Variants in KCTD1 observed in about 807,000 individuals in gnomAD.
KCTD1 encodes the protein potassium channel tetramerization domain containing 1.
KCTD1 carries 24 observed loss-of-function variants against 66.0 expected under a neutral mutation model. That is an observed-to-expected ratio of 0.36 (90% CI 0.26 to 0.51). KCTD1 has a LOEUF of 0.51. KCTD1 is among the 20% of genes least tolerant of loss of function. The probability of loss-of-function intolerance (pLI) is 0.95; values close to 1 mark genes in which losing one functional copy is unlikely to be tolerated. For synonymous variants in KCTD1, 511 were observed against 517.2 expected, an observed-to-expected ratio of 0.99 and a Z score of 0.16; for missense variants, 943 against 1,205.2, an observed-to-expected ratio of 0.78 and a Z score of 3.22.
At chr18:26,520,807 C>G (rs1375401273) in intron 1 of KCTD1, among the ~76,000 whole-genome samples, 1 of 152,176 alleles carries the variant, frequency 6.6e-6, no homozygotes, top group Non-Finnish European at 1.5e-5. Flanking sequence ...AAGAAGAGTC[C>G]TCACTTTGAA....
At chr18:26,507,793 T>C (rs536806007) in intron 1 of KCTD1, among the ~76,000 whole-genome samples, 12 of 152,224 alleles carry the variant, frequency 7.9e-5, no homozygotes, top group African/African-American at 1.7e-4. Context: ...TACTGTATGA[T>C]TGTATTTACA....
At chr18:26,525,878 T>G (rs1984135346) in intron 1 of KCTD1, among the ~76,000 whole-genome samples, 1 of 152,176 alleles carries the variant, frequency 6.6e-6, no homozygotes, top group Non-Finnish European at 1.5e-5. Context: ...TGAGCCACTG[T>G]GCTCAGCATA....
At position 26,547,720 on chromosome 18, in the gene KCTD1, G is replaced by T; in HGVS notation, c.817C>A (p.Gln273Lys). The change falls in exon 1 of 5, where the codon CAG becomes AAG. Residue 273 changes from glutamine to lysine, a missense_variant. Gln to Lys is a moderately conservative substitution (Grantham distance 53). This residue lies in a region of KCTD1 where 61 missense variants were observed against 109.6 expected (regional missense o/e 0.56). Transcript: ENST00000580059. ...TTCTGCACCACCGGCCCGGCGCCCT[G>T]CTCCTCGAGCTTGCGGATGACCGCG... ...LAAVIRKLEE[Q>K]GAGPVVQKQA... 1 of 1,548,172 alleles carries T rather than the reference G, an allele frequency of 6.5e-7. No individual in the cohort carries two copies.
At chr18:26,643,167 A>G (rs1598981612), upstream of KCTD1, among the ~76,000 whole-genome samples, 1 of 152,110 alleles carries the variant, frequency 6.6e-6, no homozygotes, top group South Asian at 2.1e-4. Flanking sequence ...GCCGACAGCC[A>G]CCTTCTTGCT....
chr18:26,603,645 A>T (rs1986947868), intron 1 of KCTD1, among the ~76,000 whole-genome samples: 1 of 152,020 alleles, frequency 6.6e-6, no homozygotes, highest in African/African-American at 2.4e-5. Context: ...CGGCAGGCTG[A>T]GGCAGGAGGA....
intron 1 of KCTD1, among the ~76,000 whole-genome samples, chr18:26,605,768 C>A (rs148483217): frequency 0.011 from 1,435 of 133,992 alleles, 19 homozygotes; most frequent in African/African-American, 0.038. Context: ...ATCTATCTAT[C>A]TATATTACAT....
At chr18:26,637,354 G>A (rs1273491961) in intron 1 of KCTD1, among the ~76,000 whole-genome samples, 3 of 152,216 alleles carry the variant, frequency 2.0e-5, no homozygotes, top group African/African-American at 4.8e-5. Flanking sequence ...GAACCCCAGA[G>A]ACTGTGAACA....
At chr18:26,456,021 G>A (rs1321806107) in intron 4 of KCTD1, 120 bp from the exon 5 acceptor site, 4 of 890,186 alleles carry the variant, frequency 4.5e-6, no homozygotes, top group Non-Finnish European at 5.0e-6. Context: ...CCATGTCCCT[G>A]TGAGCTGCTC....
rs180714118 is a variant in KCTD1 at position 26,501,507 on chromosome 18, G to C, written c.1810-257C>G. On this transcript the variant is annotated intron_variant, in intron 1 of 4. Coordinates refer to ENST00000580059, the MANE Select transcript of KCTD1 (RefSeq NM_001142730.3). ...TCAAATAACTCTGAGGACTATGAAG[G>C]CTTATTATACTAAGAAATTCTTGCA... Among the ~76,000 whole-genome samples the C allele has an allele frequency of 2.8e-3, 422 of 152,266 alleles. 1 individual carries two copies. Among genetic ancestry groups the C allele is most frequent in the African/African-American group, 9.8e-3 (408 of 41,564 alleles).
chr18:26,456,780 C>T (rs1980109388), intron 4 of KCTD1: 1 of 150,944 alleles, frequency 6.6e-6, no homozygotes, highest in South Asian at 2.1e-4. Context: ...ATTAGATAGA[C>T]AAAAATACAG....
intron 1 of KCTD1, among the ~76,000 whole-genome samples, chr18:26,568,070 C>T (rs899304063): frequency 6.6e-6 from 1 of 152,114 alleles, no homozygotes; most frequent in African/African-American, 2.4e-5. Context: ...AATTCATTTC[C>T]TACCCATTTC....
At chr18:26,456,765 C>CTT (rs1346832099) in intron 4 of KCTD1, 1 of 150,702 alleles carries the variant, frequency 6.6e-6, no homozygotes, top group East Asian at 1.9e-4. Flanking sequence ...ACCTGTGACT[C>CTT]TTAGATTAGA....
In KCTD1 at chr18:26,548,103, C is replaced by A; in HGVS notation, c.434G>T (p.Arg145Leu). The stretch of plus-strand genomic sequence containing the variant: ...GGAGCCGTCCCCGGGCGGCCCACCG[C>A]GGGCCCGGGGCGCCAGCAGTCGCGG... Reference protein sequence around the residue: ...APPRLLAPRARGGPPGDGSEL... With the variant: ...APPRLLAPRALGGPPGDGSEL... The change falls in exon 1 of 5, where the codon CGC becomes CTC. Residue 145 changes from arginine (R) to leucine (L), a missense_variant. This residue lies in a region of KCTD1 where 96 missense variants were observed against 132.5 expected (regional missense o/e 0.72). Transcript: ENST00000580059. The A allele has an allele frequency of 7.6e-7, 1 of 1,317,668 alleles. No homozygotes were observed. Among genetic ancestry groups the A allele is most frequent in the Non-Finnish European group, 9.6e-7 (1 of 1,043,096 alleles). 81.6% of individuals were successfully genotyped at this position (1,317,668 alleles called of 1,614,324 possible). A position where few individuals can be genotyped will look rare whatever the true frequency, so the allele number is the denominator to read the frequency against.
upstream of KCTD1, among the ~76,000 whole-genome samples, chr18:26,552,681 A>G (rs1298644311): frequency 6.6e-6 from 1 of 152,148 alleles, no homozygotes; most frequent in Non-Finnish European, 1.5e-5. Context: ...AGAGTGAGGG[A>G]CCCTTTTCTT....
intron 2 of KCTD1, among the ~76,000 whole-genome samples, chr18:26,484,205 C>T (rs2144625418): frequency 6.6e-6 from 1 of 152,070 alleles, no homozygotes; most frequent in East Asian, 1.9e-4. Flanking sequence ...ATTTCATGAA[C>T]ACAGATAAAA....
intron 1 of KCTD1, among the ~76,000 whole-genome samples, chr18:26,611,116 T>TC (rs1317104360): frequency 6.6e-6 from 1 of 152,208 alleles, no homozygotes. Flanking sequence ...TTGTCCCACA[T>TC]CTCACTGGTG....
chr18:26,549,904 G>C (rs1321291451), upstream of KCTD1: 1 of 703,404 alleles, frequency 1.4e-6, no homozygotes. Context: ...CCCAGGCTCC[G>C]GGCGCGTCCT....
chr18:26,467,138 T>TTG (rs1251685788), intron 3 of KCTD1, among the ~76,000 whole-genome samples: 2 of 149,844 alleles, frequency 1.3e-5, no homozygotes, highest in African/African-American at 4.9e-5. Context: ...TATAGTTTGT[T>TTG]TTTTTTTTTT....
chr18:26,471,023 G>C (rs1284269823), intron 3 of KCTD1, among the ~76,000 whole-genome samples: 1 of 152,166 alleles, frequency 6.6e-6, no homozygotes, highest in African/African-American at 2.4e-5. Context: ...GCTTTGCTCT[G>C]TGAGACAGAA....
Sources: gnomAD v4.1 joint callset for allele counts (sites outside exome capture counted in the v4.1 genomes callset) on GRCh38, gnomAD v4.1.1 for gene constraint, gnomAD v4.1.1 regional missense constraint, MANE v1.5 for transcripts, NCBI Gene and HGNC (gene_info 2026-07-23, HGNC 2026-07-21) for gene names.